ERBB4: variants seen among roughly 807,000 people sequenced by gnomAD.
ERBB4 encodes the protein erb-b2 receptor tyrosine kinase 4, also known as receptor tyrosine-protein kinase erbB-4.
ERBB4 carries 42 observed loss-of-function variants against 158.0 expected under a neutral mutation model. The observed-to-expected ratio is 0.27, with a 90% CI of 0.21 to 0.34. ERBB4 has a LOEUF of 0.34. Ranked by LOEUF, ERBB4 falls within the 10% of genes least tolerant of loss-of-function variation. The pLI is 1.00. For synonymous variants in ERBB4, 583 were observed against 558.7 expected, an observed-to-expected ratio of 1.04 and a Z score of -0.61; for missense variants, 1,333 against 1,624.1, an observed-to-expected ratio of 0.82 and a Z score of 3.08.
intron 1 of ERBB4, among the ~76,000 whole-genome samples, chr2:212,499,600 T>C (rs545502470): frequency 9.2e-5 from 14 of 152,164 alleles, no homozygotes; most frequent in African/African-American, 3.4e-4. Context: ...GAGATAAAGG[T>C]ACTGGTATAC....
chr2:212,450,420 A>G (rs949466683), intron 1 of ERBB4, among the ~76,000 whole-genome samples: 6 of 152,138 alleles, frequency 3.9e-5, no homozygotes, highest in African/African-American at 1.4e-4. Flanking sequence ...AAGAAAGTTC[A>G]GAGTTAAGAG....
chr2:211,954,756 A>G (rs1480442536), intron 2 of ERBB4, among the ~76,000 whole-genome samples: 1 of 152,098 alleles, frequency 6.6e-6, no homozygotes, highest in African/African-American at 2.4e-5. Context: ...CCTCTCCATC[A>G]GTAAAGCTTT....
chr2:212,076,271 G>A (rs1411636511), intron 2 of ERBB4, among the ~76,000 whole-genome samples: 1 of 151,718 alleles, frequency 6.6e-6, no homozygotes, highest in Admixed American at 6.6e-5. Context: ...CAACTTTTTA[G>A]ACAATTTGTT....
intron 1 of ERBB4, among the ~76,000 whole-genome samples, chr2:212,491,035 C>CT (rs1013205141): frequency 2.0e-5 from 3 of 151,626 alleles, no homozygotes; most frequent in Non-Finnish European, 3.0e-5. Context: ...CTATCTTTCT[C>CT]TTTTTTTAAA....
At chr2:211,828,516 T>A (rs1202464512) in intron 3 of ERBB4, among the ~76,000 whole-genome samples, 1 of 152,094 alleles carries the variant, frequency 6.6e-6, no homozygotes, top group Non-Finnish European at 1.5e-5. Context: ...AGATGCAAAT[T>A]TAATCAGGTG....
chr2:211,752,449 A>C (rs1466824094), intron 4 of ERBB4, among the ~76,000 whole-genome samples: 1 of 151,032 alleles, frequency 6.6e-6, no homozygotes, highest in East Asian at 1.9e-4. Context: ...GGCTTGTAAA[A>C]TATTTGGCCT....
At chr2:211,694,345 A>C (rs76154294) in intron 12 of ERBB4, among the ~76,000 whole-genome samples, 2,909 of 152,262 alleles carry the variant, frequency 0.019, 82 homozygotes, top group African/African-American at 0.066. Context: ...TTTGTAATAA[A>C]AACTGGAGCC....
In ERBB4 at chr2:211,690,991, C is replaced by T. The variant is rs374571902; in HGVS notation, c.1489+10976G>A. ...ATGTGCTTAGTATTTTGACCTTTAC[C>T]GAGAACACTGAACCTGCTTTAACTA... On this transcript the variant is annotated intron_variant, in intron 12 of 27. Transcript: ENST00000342788. Among the ~76,000 whole-genome samples, 24 of 151,870 alleles carry T rather than the reference C, an allele frequency of 1.6e-4. No homozygotes were observed. In the South Asian group the frequency reaches 4.8e-3, roughly 30 times the overall value.
chr2:211,518,523 G>T (rs894001808), intron 20 of ERBB4, among the ~76,000 whole-genome samples: 46 of 152,094 alleles, frequency 3.0e-4, no homozygotes, highest in Non-Finnish European at 5.1e-4. Context: ...GGGTGGTGGT[G>T]CACACCTGTA....
intron 22 of ERBB4, among the ~76,000 whole-genome samples, chr2:211,425,772 C>G (rs1040397284): frequency 6.6e-6 from 1 of 152,064 alleles, no homozygotes. Flanking sequence ...CCCTCAACTT[C>G]CCCAGGCTCA....
At chr2:212,221,419 GACCCAC>G (rs1042411163) in intron 1 of ERBB4, among the ~76,000 whole-genome samples, 1 of 151,454 alleles carries the variant, frequency 6.6e-6, no homozygotes, top group African/African-American at 2.4e-5. Flanking sequence ...TAAAATCAGA[GACCCAC>G]ACATAAGGTA....
chr2:212,072,031 A>G lies in ERBB4; in HGVS notation c.234+52721T>C, dbSNP rs1045866099. Among the ~76,000 whole-genome samples, 7 of 152,006 alleles carry G rather than the reference A, an allele frequency of 4.6e-5. No individual in the cohort carries two copies. The East Asian group carries it at 9.6e-4, about 21-fold the overall frequency. ...GCTCAGGGAAATGAAATACACTTCC[A>G]TAGTCGTACAGGTAGCAAAAAGCAA... On this transcript the variant is annotated intron_variant, in intron 2 of 27. Transcript: ENST00000342788.
At chr2:212,130,910 A>G (rs2080089192) in intron 1 of ERBB4, among the ~76,000 whole-genome samples, 1 of 152,182 alleles carries the variant, frequency 6.6e-6, no homozygotes, top group Non-Finnish European at 1.5e-5. Context: ...GGAACTTGAT[A>G]AAAAATTCTT....
intron 1 of ERBB4, among the ~76,000 whole-genome samples, chr2:212,222,682 T>A (rs2083333781): frequency 6.6e-6 from 1 of 151,444 alleles, no homozygotes; most frequent in Admixed American, 6.6e-5. Flanking sequence ...CACTTTTAAG[T>A]CTTTCCTGAT....
At chr2:212,186,439 T>C (rs1475065784) in intron 1 of ERBB4, among the ~76,000 whole-genome samples, 1 of 152,220 alleles carries the variant, frequency 6.6e-6, no homozygotes, top group Non-Finnish European at 1.5e-5. Context: ...TGGCTAATTT[T>C]TTATTTACTT....
intron 18 of ERBB4, among the ~76,000 whole-genome samples, chr2:211,622,639 T>TA (rs1017031375): frequency 1.8e-4 from 28 of 152,046 alleles, no homozygotes; most frequent in Non-Finnish European, 2.9e-5. Context: ...GATATGTTTG[T>TA]AAAATGTAGG....
Position 211,704,087 on chromosome 2 carries a change from T to C in ERBB4, c.1289+17A>G, listed in dbSNP as rs2106044681. 1 of 1,446,026 alleles carries C rather than the reference T, an allele frequency of 6.9e-7. No homozygotes were observed. The highest frequency in any genetic ancestry group is 9.7e-7 in the Non-Finnish European group (1 of 1,026,824). 89.6% of individuals were successfully genotyped at this position (1,446,026 alleles called of 1,614,324 possible). On this transcript the variant is annotated intron_variant, in intron 11 of 27. Transcript: ENST00000342788. Reference sequence around the variant, plus strand: ...TTGAAATCTGTGAGCCCTGCAGCTTTAAACATATCCACTTACCTATAGAGT... The same window carrying C: ...TTGAAATCTGTGAGCCCTGCAGCTTCAAACATATCCACTTACCTATAGAGT...
chr2:211,784,171 A>G (rs1285197976), intron 4 of ERBB4, among the ~76,000 whole-genome samples: 1 of 152,232 alleles, frequency 6.6e-6, no homozygotes, highest in Non-Finnish European at 1.5e-5. Context: ...TGTTAAGTAT[A>G]TTCACATTGT....
At chr2:212,047,784 C>T (rs2077294524) in intron 2 of ERBB4, among the ~76,000 whole-genome samples, 1 of 151,838 alleles carries the variant, frequency 6.6e-6, no homozygotes, top group Non-Finnish European at 1.5e-5. Context: ...GTGCCCAGCC[C>T]TTCATATTAA....
Sources: gnomAD v4.1 joint callset for allele counts (sites outside exome capture counted in the v4.1 genomes callset) on GRCh38, gnomAD v4.1.1 for gene constraint, MANE v1.5 for transcripts, NCBI Gene and HGNC (gene_info 2026-07-23, HGNC 2026-07-21) for gene names.